The following FMN2 variants were observed in gnomAD, a reference collection of about 807,000 sequenced individuals.
FMN2 encodes formin 2, also known as formin-2.
FMN2 carries 51 observed loss-of-function variants against 142.3 expected under a neutral mutation model. The ratio of observed to expected loss-of-function variants is 0.36; its 90% CI spans 0.29 to 0.45. The LOEUF is 0.45. Ranked by LOEUF, FMN2 falls within the 20% of genes least tolerant of loss-of-function variation. The pLI is 1.00. For missense variants in FMN2, 1,936 were observed against 2,122.8 expected (o/e 0.91, Z 1.73); for synonymous variants, 882 against 869.8 (o/e 1.01, Z -0.25).
At chr1:240,261,644 A>G (rs10926186) in intron 7 of FMN2, among the ~76,000 whole-genome samples, 61,537 of 151,940 alleles carry the variant, frequency 0.41, 12,876 homozygotes, top group East Asian at 0.55. Flanking sequence ...AATACAGGTT[A>G]TTTCCCACAA....
At chr1:240,431,123 C>T (rs1432578624) in intron 15 of FMN2, among the ~76,000 whole-genome samples, 1 of 151,770 alleles carries the variant, frequency 6.6e-6, no homozygotes. Flanking sequence ...TAAATTCTCT[C>T]AACAATGTTT....
chr1:240,367,617 A>C (rs1572237158), intron 14 of FMN2, among the ~76,000 whole-genome samples: 1 of 151,820 alleles, frequency 6.6e-6, no homozygotes, highest in Non-Finnish European at 1.5e-5. Context: ...AAATATAAAA[A>C]ATAAGCCGGG....
chr1:240,093,700 G>T lies in FMN2; in HGVS notation c.1591G>T (p.Asp531Tyr). Residue 531 changes from aspartate to tyrosine, a missense_variant, in exon 1 of 18, where the codon GAT (aspartate) becomes TAT (tyrosine). Around this residue, in one of 8 missense-constraint regions of FMN2, gnomAD observed 751 missense variants for 791.8 expected, o/e 0.95. Coordinates refer to ENST00000319653, the MANE Select transcript of FMN2 (RefSeq NM_020066.5). The stretch of plus-strand genomic sequence containing the variant: ...GGCGTCTGGGGCCCCCGCGGCTGCG[G>T]ATGGCTTCCAGAACGTGTTCACAGG... ...AKASGAPAAADGFQNVFTGRT... is the reference protein window; with the variant it reads ...AKASGAPAAAYGFQNVFTGRT... The T allele has an allele frequency of 1.5e-6, 2 of 1,370,816 alleles. No individual in the cohort carries two copies. The highest frequency in any genetic ancestry group is 1.9e-6 in the Non-Finnish European group (2 of 1,069,204). The allele number at this position is 1,370,816 out of a possible 1,614,324, so 84.9% of individuals were successfully genotyped here.
chr1:240,390,965 G>A (rs570534149), intron 14 of FMN2, among the ~76,000 whole-genome samples: 11 of 152,300 alleles, frequency 7.2e-5, no homozygotes, highest in Non-Finnish European at 1.0e-4. Context: ...ATGCATTGTA[G>A]TGCTTTTGTT....
chr1:240,424,227 C>T (rs568932216), intron 15 of FMN2, among the ~76,000 whole-genome samples: 1 of 152,186 alleles, frequency 6.6e-6, no homozygotes, highest in African/African-American at 2.4e-5. Context: ...GATATAATTT[C>T]TGATTGTCCA....
intron 2 of FMN2, among the ~76,000 whole-genome samples, chr1:240,167,242 G>C (rs1029143056): frequency 1.3e-5 from 2 of 152,146 alleles, no homozygotes; most frequent in African/African-American, 4.8e-5. Context: ...AGTAATGTTA[G>C]TGCTTCTTTT....
intron 14 of FMN2, among the ~76,000 whole-genome samples, chr1:240,373,905 A>G (rs1672954783): frequency 6.6e-6 from 1 of 152,224 alleles, no homozygotes; most frequent in Admixed American, 6.5e-5. Context: ...AGAGGAATCA[A>G]TCACTACCTA....
rs148644529 is a variant in FMN2, at chr1:240,462,898, T to C, written c.5061-9474T>C. 2.8e-3 allele frequency among the ~76,000 whole-genome samples: 423 copies of C among 152,276 alleles called. 1 individual carries two copies. Among genetic ancestry groups the C allele is most frequent in the African/African-American group, 9.5e-3 (393 of 41,546 alleles). On this transcript the variant is annotated intron_variant, in intron 16 of 17. Coordinates refer to ENST00000319653, the MANE Select transcript of FMN2 (RefSeq NM_020066.5). ...TCCTATAGGAGGCTAATTTTGAGTG[T>C]AACCTGAAAGGCCTCATGGGAGAGC... is the stretch of plus-strand genomic sequence containing the variant.
chr1:240,308,523 C>T (rs187810628), intron 8 of FMN2, among the ~76,000 whole-genome samples: 89 of 152,134 alleles, frequency 5.9e-4, no homozygotes, highest in Non-Finnish European at 1.0e-3. Context: ...AAAAGAGGGA[C>T]GAGGACGGGG....
intron 7 of FMN2, among the ~76,000 whole-genome samples, chr1:240,270,406 G>T (rs928021132): frequency 1.3e-5 from 2 of 152,084 alleles, no homozygotes; most frequent in Admixed American, 6.6e-5. Context: ...CAAAGGGAAT[G>T]ACTTCAGTAT....
At chr1:240,133,157 T>C (rs963547420) in intron 2 of FMN2, among the ~76,000 whole-genome samples, 1 of 152,162 alleles carries the variant, frequency 6.6e-6, no homozygotes, top group African/African-American at 2.4e-5. Context: ...GATATATGTC[T>C]GATCATGTTG....
At position 240,092,384 on chromosome 1, in the gene FMN2, G is replaced by A; in HGVS notation, c.275G>A (p.Gly92Asp). ...CTGTCCAAGGGGAAAGGCGCCGGCG[G>A]CTCCCGCGAAGATGTACTGGATTCC... is the stretch of plus-strand genomic sequence containing the variant. Reference protein sequence around the residue: ...KNLSKGKGAGGSREDVLDSQA... With the variant: ...KNLSKGKGAGDSREDVLDSQA... Residue 92 changes from glycine to aspartate, a missense_variant, in exon 1 of 18, where the codon GGC becomes GAC. Coordinates refer to ENST00000319653, the MANE Select transcript of FMN2 (RefSeq NM_020066.5). 1.2e-6 allele frequency: 2 copies of A among 1,612,564 alleles called. No homozygotes were observed. Among genetic ancestry groups the A allele is most frequent in the Non-Finnish European group, 1.7e-6 (2 of 1,179,546 alleles).
At chr1:240,470,099 T>C (rs1182602098) in intron 16 of FMN2, among the ~76,000 whole-genome samples, 1 of 152,096 alleles carries the variant, frequency 6.6e-6, no homozygotes, top group East Asian at 1.9e-4. Context: ...TTAAGATGCT[T>C]TGAGGATCTA....
At chr1:240,369,708 A>C (rs1027761646) in intron 14 of FMN2, among the ~76,000 whole-genome samples, 1 of 151,644 alleles carries the variant, frequency 6.6e-6, no homozygotes, top group South Asian at 2.1e-4. Context: ...TGCATTGACA[A>C]CTCTACTCGG....
At chr1:240,331,100 A>G (rs1421163737) in intron 11 of FMN2, among the ~76,000 whole-genome samples, 1 of 151,040 alleles carries the variant, frequency 6.6e-6, no homozygotes, top group Non-Finnish European at 1.5e-5. Context: ...AAGGCTAATT[A>G]TTTTCTATGA....
At chr1:240,403,614 CTT>C (rs560703599) in intron 15 of FMN2, among the ~76,000 whole-genome samples, 1 of 150,756 alleles carries the variant, frequency 6.6e-6, no homozygotes, top group African/African-American at 2.5e-5. Flanking sequence ...AAATAGAAGT[CTT>C]TTTTTTTCCT....
intron 2 of FMN2, among the ~76,000 whole-genome samples, chr1:240,173,278 A>C (rs888987327): frequency 1.3e-5 from 2 of 152,148 alleles, no homozygotes; most frequent in Admixed American, 6.5e-5. Flanking sequence ...GTCCAGAGCT[A>C]GGGGAGATTT....
At chr1:240,163,091 A>G (rs1051830317) in intron 2 of FMN2, among the ~76,000 whole-genome samples, 2 of 152,160 alleles carry the variant, frequency 1.3e-5, no homozygotes, top group Non-Finnish European at 2.9e-5. Context: ...TTAATTCATT[A>G]TATTAAGAGA....
intron 4 of FMN2, among the ~76,000 whole-genome samples, chr1:240,200,560 T>C (rs1440994032): frequency 6.6e-6 from 1 of 152,090 alleles, no homozygotes; most frequent in Non-Finnish European, 1.5e-5. Context: ...GGCTACTCTG[T>C]AGTAGTGGAT....
Sources: allele counts gnomAD v4.1 joint callset (sites outside exome capture counted in the v4.1 genomes callset), GRCh38; gene constraint gnomAD v4.1.1; regional missense constraint gnomAD v4.1.1; transcripts MANE v1.5; gene names NCBI Gene and HGNC (gene_info 2026-07-23, HGNC 2026-07-21).